The following SNTG2 variants were observed in gnomAD, a reference collection of about 807,000 sequenced individuals.
SNTG2 encodes the protein syntrophin gamma 2.
Under a neutral mutation model 70.9 loss-of-function variants are expected in SNTG2, and 74 were observed. The observed-to-expected ratio is 1.04, with a 90% CI of 0.86 to 1.27. SNTG2 has a LOEUF of 1.27. Ranked by LOEUF, SNTG2 falls within the 50% of genes most tolerant of loss-of-function variation. SNTG2 has a pLI of 0.00. For synonymous variants in SNTG2, 278 were observed against 273.8 expected (o/e 1.02, Z -0.15); for missense variants, 717 against 690.7 (o/e 1.04, Z -0.43).
chr2:1,337,602 T>C (rs1659881342), intron 16 of SNTG2, among the ~76,000 whole-genome samples: 1 of 152,184 alleles, frequency 6.6e-6, no homozygotes, highest in Admixed American at 6.5e-5. Flanking sequence ...CCTTATCAAA[T>C]GTGTGATTTG....
chr2:1,208,198 G>T (rs529648135), intron 8 of SNTG2, among the ~76,000 whole-genome samples: 1 of 152,160 alleles, frequency 6.6e-6, no homozygotes, highest in African/African-American at 2.4e-5. Context: ...CCTTGTGAGT[G>T]TGGGGCTTGC....
At chr2:1,253,047 C>T (rs945063048) in intron 12 of SNTG2, among the ~76,000 whole-genome samples, 1 of 152,120 alleles carries the variant, frequency 6.6e-6, no homozygotes, top group Non-Finnish European at 1.5e-5. Context: ...TGTATTTTAT[C>T]CTGACATAAA....
intron 4 of SNTG2, among the ~76,000 whole-genome samples, chr2:1,125,123 G>A (rs540960786): frequency 6.6e-6 from 1 of 152,144 alleles, no homozygotes; most frequent in Non-Finnish European, 1.5e-5. Flanking sequence ...TTCACAATTT[G>A]AATCAACACC....
At chr2:1,180,317 A>C (rs1362463183) in intron 8 of SNTG2, among the ~76,000 whole-genome samples, 22 of 135,276 alleles carry the variant, frequency 1.6e-4, no homozygotes, top group Middle Eastern at 3.6e-3. Flanking sequence ...CAACCTACTC[A>C]TCTGACAAAA....
intron 1 of SNTG2, among the ~76,000 whole-genome samples, chr2:1,041,735 C>T (rs988572099): frequency 4.6e-5 from 7 of 152,176 alleles, no homozygotes; most frequent in East Asian, 1.9e-4. Flanking sequence ...TGGTGCCATG[C>T]GTCCTACACA....
rs1665473803 is a variant in SNTG2 at position 1,097,527 on chromosome 2, G to T, written c.211-669G>T. Among the ~76,000 whole-genome samples, 1 of 152,318 alleles carries T rather than the reference G, an allele frequency of 6.6e-6. No homozygotes were observed. The highest frequency in any genetic ancestry group is 6.5e-5 in the Admixed American group (1 of 15,296). ...CACCAGTCACTCATGTCTACCTGAA[G>T]TTGGCAACAGTCGCATTCATCAGAT... is the stretch of plus-strand genomic sequence containing the variant. On this transcript the variant is annotated intron_variant, in intron 2 of 16. Coordinates refer to ENST00000308624, the MANE Select transcript of SNTG2 (RefSeq NM_018968.4). This position sits in a 1 kb window ranked among gnomAD's most constrained non-coding sequence, Gnocchi z 4.1.
At chr2:1,081,132 C>T (rs1033981632) in intron 1 of SNTG2, among the ~76,000 whole-genome samples, 3 of 152,322 alleles carry the variant, frequency 2.0e-5, no homozygotes, top group Middle Eastern at 3.4e-3. Flanking sequence ...GAAGCCCCAT[C>T]GCTCAGCCCC....
chr2:1,184,417 A>T (rs988826134), intron 8 of SNTG2, among the ~76,000 whole-genome samples: 2 of 152,208 alleles, frequency 1.3e-5, no homozygotes, highest in East Asian at 3.8e-4. Context: ...AATATAAAAA[A>T]ACTATGATGA....
At chr2:1,077,750 G>A (rs1664018603) in intron 1 of SNTG2, among the ~76,000 whole-genome samples, 1 of 152,076 alleles carries the variant, frequency 6.6e-6, no homozygotes, top group Non-Finnish European at 1.5e-5. Context: ...ACATCCCTGT[G>A]ACTGTTGATC....
chr2:1,332,656 T>G (rs1232626495), intron 16 of SNTG2, among the ~76,000 whole-genome samples: 1 of 152,190 alleles, frequency 6.6e-6, no homozygotes. Flanking sequence ...TGGTTTAACA[T>G]ACGTAAGTCA....
chr2:1,072,954 A>G (rs1663675228), intron 1 of SNTG2, among the ~76,000 whole-genome samples: 1 of 152,244 alleles, frequency 6.6e-6, no homozygotes, highest in Admixed American at 6.5e-5. Context: ...CAAGAAAACT[A>G]GAATTAGACG....
At chr2:1,228,445 A>G (rs868396270) in intron 9 of SNTG2, among the ~76,000 whole-genome samples, 50 of 152,262 alleles carry the variant, frequency 3.3e-4, no homozygotes, top group African/African-American at 1.1e-3. Flanking sequence ...TTCCACTGCC[A>G]TGGTCCATGC....
chr2:1,008,668 T>C (rs1012751171), intron 1 of SNTG2, among the ~76,000 whole-genome samples: 20 of 152,220 alleles, frequency 1.3e-4, no homozygotes, highest in African/African-American at 4.1e-4. Flanking sequence ...CATAAATATT[T>C]ATTGATGTTT....
chr2:1,058,892 C>G (rs1203551857), intron 1 of SNTG2, among the ~76,000 whole-genome samples: 2 of 152,214 alleles, frequency 1.3e-5, no homozygotes, highest in Non-Finnish European at 2.9e-5. Context: ...ATTGCTGTCA[C>G]TGGTCCAGTG....
At chr2:1,320,244 C>T (rs956447605) in intron 16 of SNTG2, among the ~76,000 whole-genome samples, 7 of 151,964 alleles carry the variant, frequency 4.6e-5, no homozygotes, top group Admixed American at 1.3e-4. Context: ...GCAAAAATCA[C>T]GTAGAATTGG....
intron 2 of SNTG2, among the ~76,000 whole-genome samples, chr2:1,089,736 A>G (rs1029971563): frequency 2.6e-5 from 4 of 152,276 alleles, no homozygotes; most frequent in African/African-American, 9.6e-5. Context: ...CTCAAGTAGA[A>G]CTTTCAATAA....
intron 2 of SNTG2, among the ~76,000 whole-genome samples, chr2:1,092,064 T>A (rs745353334): frequency 2.0e-5 from 3 of 152,190 alleles, no homozygotes; most frequent in Non-Finnish European, 4.4e-5. Context: ...AAACAATGCC[T>A]CCTGACTCAA....
chr2:1,202,173 A>G (rs1367663946), intron 8 of SNTG2, among the ~76,000 whole-genome samples: 1 of 152,108 alleles, frequency 6.6e-6, no homozygotes, highest in Non-Finnish European at 1.5e-5. Context: ...AAAATATCCA[A>G]TATAAACTGT....
At chr2:1,138,464 T>C (rs1178016145) in intron 6 of SNTG2, among the ~76,000 whole-genome samples, 1 of 152,066 alleles carries the variant, frequency 6.6e-6, no homozygotes, top group Non-Finnish European at 1.5e-5. Context: ...ATAGGGCTGA[T>C]GCCAGGAAGC....
Sources: gnomAD v4.1 joint callset for allele counts (sites outside exome capture counted in the v4.1 genomes callset) on GRCh38, gnomAD v4.1.1 for gene constraint, Gnocchi (gnomAD v3.1) non-coding constraint, MANE v1.5 for transcripts, NCBI Gene and HGNC (gene_info 2026-07-23, HGNC 2026-07-21) for gene names.